SHISA9: variants seen among roughly 807,000 people sequenced by gnomAD.
SHISA9 encodes the protein protein shisa-9.
In SHISA9, 13 loss-of-function variants were observed where a neutral mutation model predicts 38.0. That is an observed-to-expected ratio of 0.34 (90% CI 0.22 to 0.54). The LOEUF is 0.54. Ranked by LOEUF, SHISA9 falls within the 20% of genes least tolerant of loss-of-function variation. SHISA9 has a pLI of 0.91. For synonymous variants in SHISA9, 275 were observed against 242.0 expected, an observed-to-expected ratio of 1.14 and a Z score of -1.27; for missense variants, 538 against 575.8, an observed-to-expected ratio of 0.93 and a Z score of 0.67.
chr16:13,480,806 A>C, the SHISA9 span, among the ~76,000 whole-genome samples: 1 of 152,148 alleles, frequency 6.6e-6, no homozygotes. Flanking sequence ...GACAAGCTAT[A>C]TGTGAGTCCA....
the SHISA9 span, among the ~76,000 whole-genome samples, chr16:13,380,973 T>C: frequency 1.3e-5 from 2 of 152,110 alleles, no homozygotes; most frequent in African/African-American, 4.8e-5. Context: ...TCCAGCTTCA[T>C]CCATGCCCCT....
At chr16:13,155,728 G>A (rs1363376599) in intron 2 of SHISA9, among the ~76,000 whole-genome samples, 1 of 152,096 alleles carries the variant, frequency 6.6e-6, no homozygotes, top group African/African-American at 2.4e-5. Flanking sequence ...TGGCTGGGGT[G>A]GGGGACATTT....
At chr16:13,100,181 T>C (rs2073865372) in intron 2 of SHISA9, among the ~76,000 whole-genome samples, 1 of 152,252 alleles carries the variant, frequency 6.6e-6, no homozygotes, top group South Asian at 2.1e-4. Flanking sequence ...TTGTGCTGCA[T>C]TGATCTATGG....
At chr16:13,358,208 A>T in the SHISA9 span, among the ~76,000 whole-genome samples, 1 of 152,124 alleles carries the variant, frequency 6.6e-6, no homozygotes, top group African/African-American at 2.4e-5. Context: ...GGTGAGAAGG[A>T]TTCTGAAATC....
the SHISA9 span, among the ~76,000 whole-genome samples, chr16:13,504,428 C>T: frequency 1.9e-3 from 296 of 152,260 alleles, no homozygotes; most frequent in Non-Finnish European, 3.4e-3. Flanking sequence ...GCCAGCATTG[C>T]TCAAGCTCCT....
the SHISA9 span, among the ~76,000 whole-genome samples, chr16:13,260,768 G>T: frequency 6.6e-6 from 1 of 152,016 alleles, no homozygotes; most frequent in African/African-American, 2.4e-5. Flanking sequence ...CACATTTTTG[G>T]GTATCTTTTC....
chr16:12,921,191 T>A (rs116815207), intron 2 of SHISA9, among the ~76,000 whole-genome samples: 1,623 of 152,298 alleles, frequency 0.011, 32 homozygotes, highest in African/African-American at 0.036. Flanking sequence ...GTTACGTGAT[T>A]TAGTTTGCAG....
intron 2 of SHISA9, among the ~76,000 whole-genome samples, chr16:13,071,007 C>G (rs1008348266): frequency 6.6e-6 from 1 of 152,134 alleles, no homozygotes; most frequent in Non-Finnish European, 1.5e-5. Flanking sequence ...CTTGAGTAAC[C>G]TTTCAGTTTG....
intron 4 of SHISA9, among the ~76,000 whole-genome samples, chr16:13,213,931 G>C (rs1382312064): frequency 6.6e-6 from 1 of 152,168 alleles, no homozygotes; most frequent in Non-Finnish European, 1.5e-5. Context: ...ATGATGATCA[G>C]GCTGTGTAGG....
intron 2 of SHISA9, among the ~76,000 whole-genome samples, chr16:12,987,544 T>A (rs566813641): frequency 6.6e-6 from 1 of 152,052 alleles, no homozygotes; most frequent in East Asian, 1.9e-4. Context: ...AGCTGAACAA[T>A]GAGAACACAT....
At chr16:13,148,118 C>A (rs1268081772) in intron 2 of SHISA9, among the ~76,000 whole-genome samples, 1 of 152,142 alleles carries the variant, frequency 6.6e-6, no homozygotes, top group Non-Finnish European at 1.5e-5. Flanking sequence ...TGCACACTCA[C>A]AACATACACA....
At chr16:13,292,691 C>G in the SHISA9 span, among the ~76,000 whole-genome samples, 3 of 152,106 alleles carry the variant, frequency 2.0e-5, no homozygotes, top group East Asian at 5.8e-4. Context: ...AAAAAGAAGT[C>G]TTATCTTCAA....
At chr16:12,939,485 C>G (rs534826365) in intron 2 of SHISA9, among the ~76,000 whole-genome samples, 5 of 152,190 alleles carry the variant, frequency 3.3e-5, no homozygotes, top group Non-Finnish European at 7.3e-5. Context: ...GTCACAAGCC[C>G]TTTTCATTGT....
intron 2 of SHISA9, among the ~76,000 whole-genome samples, chr16:13,165,516 G>C (rs1457014728): frequency 6.6e-6 from 1 of 152,238 alleles, no homozygotes; most frequent in African/African-American, 2.4e-5. Context: ...TATAGGTAGT[G>C]TTTGAATTTG....
chr16:13,144,767 C>T (rs1041507456), intron 2 of SHISA9, among the ~76,000 whole-genome samples: 4 of 152,100 alleles, frequency 2.6e-5, no homozygotes, highest in Non-Finnish European at 5.9e-5. Flanking sequence ...CAGCGGAAGC[C>T]GCCACTAAGT....
At chr16:13,335,073 T>C in the SHISA9 span, among the ~76,000 whole-genome samples, 1 of 152,208 alleles carries the variant, frequency 6.6e-6, no homozygotes, top group Non-Finnish European at 1.5e-5. Context: ...ATTAGTCCCA[T>C]GGGGGACACC....
chr16:13,562,919 A>T, the SHISA9 span: 1 of 152,152 alleles, frequency 6.6e-6, no homozygotes, highest in Non-Finnish European at 1.5e-5. Flanking sequence ...AAAAAAAAAA[A>T]GCTGTAAACC....
At chr16:13,406,496 A>G in the SHISA9 span, among the ~76,000 whole-genome samples, 1 of 152,166 alleles carries the variant, frequency 6.6e-6, no homozygotes, top group Admixed American at 6.5e-5. Flanking sequence ...GGTCCAGGGC[A>G]TCCTCTTTTT....
the SHISA9 span, among the ~76,000 whole-genome samples, chr16:13,520,989 G>A: frequency 6.6e-6 from 1 of 152,142 alleles, no homozygotes; most frequent in Non-Finnish European, 1.5e-5. Flanking sequence ...ATTGTCGTGA[G>A]AACACTCAGA....
Sources: gnomAD v4.1 joint callset for allele counts (sites outside exome capture counted in the v4.1 genomes callset) on GRCh38, gnomAD v4.1.1 for gene constraint, MANE v1.5 for transcripts, NCBI Gene and HGNC (gene_info 2026-07-23, HGNC 2026-07-21) for gene names.